Variants in OR5T2 observed in about 807,000 individuals in gnomAD.
OR5T2 encodes olfactory receptor family 5 subfamily T member 2, also known as olfactory receptor 5T2.
OR5T2 carries 12 observed loss-of-function variants against 13.7 expected under a neutral mutation model. The observed-to-expected ratio is 0.88, with a 90% CI of 0.56 to 1.42. The LOEUF (loss-of-function observed/expected upper bound fraction) is 1.42. Among genes scored for constraint, OR5T2 ranks in the 40% most tolerant of loss-of-function variants. The pLI, the probability that OR5T2 is intolerant of heterozygous loss-of-function variation, is 0.00. For missense variants in OR5T2, 475 were observed against 372.0 expected (o/e 1.28, Z -2.28); for synonymous variants, 146 against 139.5 (o/e 1.05, Z -0.33).
rs1043053988 is a variant in OR5T2, at chr11:56,232,859, A to G, written c.204T>C (p.Asp68=). 6.2e-6 allele frequency: 10 copies of G among 1,612,640 alleles called. No homozygotes were observed. The highest frequency in any genetic ancestry group is 1.7e-5 in the Admixed American group (1 of 59,912). Residue 68 remains aspartate, a synonymous_variant, in exon 2 of 2, where the codon GAT becomes GAC. Coordinates refer to ENST00000641661, the MANE Select transcript of OR5T2 (RefSeq NM_001004746.4). ...YYFLSMLSSV[D]ACYSSVITPN... is the part of the protein sequence containing the mutation. Reference sequence around the variant, plus strand: ...GGGTAATAACTGAGGAATAGCAGGCATCCACAGAAGACAACATACTCAGAA... The same window carrying G: ...GGGTAATAACTGAGGAATAGCAGGCGTCCACAGAAGACAACATACTCAGAA...
intron 1 of OR5T2, among the ~76,000 whole-genome samples, 192 bp downstream of exon 1, chr11:56,233,985 C>T (rs1853333910): frequency 2.0e-5 from 3 of 151,810 alleles, no homozygotes; most frequent in Admixed American, 1.3e-4. Flanking sequence ...GAGAAAATCA[C>T]TATGATTCTT....
At position 56,231,374 on chromosome 11, in the gene OR5T2, C is replaced by A. The variant is rs1360369631; in HGVS notation, c.*732G>T. The A allele has an allele frequency of 6.6e-6, 1 of 152,188 alleles. No individual in the cohort carries two copies. Among genetic ancestry groups the A allele is most frequent in the African/African-American group, 2.4e-5 (1 of 41,456 alleles). The allele number at this position is 152,188 out of a possible 1,614,324, so 9.4% of individuals were successfully genotyped here. Reference sequence around the variant, plus strand: ...TCTGTGATCAAATGGGTAGGGATTTCTTCCTCCCACACCACGTGGTAATCA... The same window carrying A: ...TCTGTGATCAAATGGGTAGGGATTTATTCCTCCCACACCACGTGGTAATCA... On this transcript the variant is annotated 3_prime_UTR_variant, in exon 2 of 2. Coordinates refer to ENST00000641661, the MANE Select transcript of OR5T2 (RefSeq NM_001004746.4).
rs1220534549 is a variant in OR5T2, at chr11:56,232,761, A to G, written c.302T>C (p.Leu101Pro). ...TTCTGTGGTTCCAAAACTACAAGCA[A>G]GAAACACCTGTGCTACACATCCAAG... ...SFLGCVAQVF[L>P]ACSFGTTECF... Residue 101 changes from leucine (L) to proline (P), a missense_variant, in exon 2 of 2, where the codon CTT becomes CCT. By Grantham distance (98) the Leu-to-Pro change is moderately conservative (BLOSUM62 -3). Transcript: ENST00000641661. The G allele has an allele frequency of 1.2e-6, 2 of 1,614,172 alleles. No homozygotes were observed. The highest frequency in any genetic ancestry group is 2.2e-5 in the East Asian group (1 of 44,868).
Position 56,232,231 on chromosome 11 carries a change from T to C in OR5T2, c.832A>G (p.Ile278Val), listed in dbSNP as rs1396866578. 1.2e-6 allele frequency: 2 copies of C among 1,613,630 alleles called. No homozygotes were observed. Among genetic ancestry groups the C allele is most frequent in the Admixed American group, 3.3e-5 (2 of 59,964 alleles). Reference protein sequence around the residue: ...HDMIVSIFYTIVIPLLNPVIY... With the variant: ...HDMIVSIFYTVVIPLLNPVIY... Reference sequence around the variant, plus strand: ...ACGGGATTCAGCAAGGGAATCACAATGGTGTAAAATATTGACACTATCATG... The same window carrying C: ...ACGGGATTCAGCAAGGGAATCACAACGGTGTAAAATATTGACACTATCATG... Residue 278 changes from isoleucine to valine, a missense_variant, in exon 2 of 2, where the codon ATT (isoleucine) becomes GTT (valine). Coordinates refer to ENST00000641661, the MANE Select transcript of OR5T2 (RefSeq NM_001004746.4).
Position 56,232,339 on chromosome 11 carries a change from G to T in OR5T2, c.724C>A (p.His242Asn). 5 of 1,607,452 alleles carry T rather than the reference G, an allele frequency of 3.1e-6. No homozygotes were observed. Among genetic ancestry groups the T allele is most frequent in the Non-Finnish European group, 4.2e-6 (5 of 1,176,808 alleles). Reference sequence around the variant, plus strand: ...TAATAAATTGACACTCCAGTTAGGTGAGCTCCACATGTGGAGAAGACTTTT... The same window carrying T: ...TAATAAATTGACACTCCAGTTAGGTTAGCTCCACATGTGGAGAAGACTTTT... ...RRKVFSTCGA[H>N]LTGVSIYYGT... Residue 242 changes from histidine to asparagine, a missense_variant, in exon 2 of 2, where the codon CAC becomes AAC. His to Asn is a moderately conservative substitution (Grantham distance 68). Coordinates refer to ENST00000641661, the MANE Select transcript of OR5T2 (RefSeq NM_001004746.4).
intron 1 of OR5T2, among the ~76,000 whole-genome samples, chr11:56,233,526 A>G (rs1853326375): frequency 6.6e-6 from 1 of 152,160 alleles, no homozygotes. Flanking sequence ...ATGATTTGCT[A>G]TATCTACTTG....
rs1043395142 is a variant in OR5T2, at chr11:56,231,994, G to T, written c.*112C>A. 8 of 854,966 alleles carry T rather than the reference G, an allele frequency of 9.4e-6. No homozygotes were observed. Among genetic ancestry groups the T allele is most frequent in the African/African-American group, 8.7e-5 (5 of 57,390 alleles). The allele number at this position is 854,966 out of a possible 1,614,324, so 53.0% of individuals were successfully genotyped here. On this transcript the variant is annotated 3_prime_UTR_variant, in exon 2 of 2. Transcript: ENST00000641661. Reference sequence around the variant, plus strand: ...ATTATAACAAAAGACTGTAACAAAGGCTATGGGAATTATGAGCCAGGAACC... The same window carrying T: ...ATTATAACAAAAGACTGTAACAAAGTCTATGGGAATTATGAGCCAGGAACC...
rs1402558581 is a variant in OR5T2, at chr11:56,231,614, G to T, written c.*492C>A. On this transcript the variant is annotated 3_prime_UTR_variant, in exon 2 of 2. Transcript: ENST00000641661. ...TACTGAAGCAGCTCACAAAACTCAG[G>T]GAAACATATTACTGGCTTATTGAAA... 6.6e-6 allele frequency: 1 copy of T among 152,278 alleles called. No homozygotes were observed. The highest frequency in any genetic ancestry group is 1.5e-5 in the Non-Finnish European group (1 of 68,198). The allele number at this position is 152,278 out of a possible 1,614,324, so 9.4% of individuals were successfully genotyped here.
At position 56,232,592 on chromosome 11, in the gene OR5T2, A is replaced by G; in HGVS notation, c.471T>C (p.His157=). The G allele has an allele frequency of 6.2e-7, 1 of 1,614,122 alleles. No individual in the cohort carries two copies. Among genetic ancestry groups the G allele is most frequent in the Non-Finnish European group, 8.5e-7 (1 of 1,179,994 alleles). Residue 157 remains histidine, a synonymous_variant, in exon 2 of 2, where the codon CAT becomes CAC. Coordinates refer to ENST00000641661, the MANE Select transcript of OR5T2 (RefSeq NM_001004746.4). ...YVAGILHATI[H]TVATFSLSFC... ...AGGATAGGCTAAATGTAGCCACTGT[A>G]TGTATAGTAGCATGTAAAATGCCAG...
Position 56,232,554 on chromosome 11 carries a change from T to C in OR5T2, c.509A>G (p.Asn170Ser), listed in dbSNP as rs890948733. Reference protein sequence around the residue: ...ATFSLSFCGANEIRRVFCDIP... With the variant: ...ATFSLSFCGASEIRRVFCDIP... ...ATCACAAAAGACACGCCTAATTTCA[T>C]TGGCTCCACAGAAGGATAGGCTAAA... The change falls in exon 2 of 2, where the codon AAT becomes AGT. Residue 170 changes from asparagine to serine, a missense_variant. Coordinates refer to ENST00000641661, the MANE Select transcript of OR5T2 (RefSeq NM_001004746.4). The C allele has an allele frequency of 2.5e-6, 4 of 1,613,832 alleles. No individual in the cohort carries two copies. Among genetic ancestry groups the C allele is most frequent in the East Asian group, 4.5e-5 (2 of 44,870 alleles).
rs2134764864 is a variant in OR5T2 at position 56,233,063 on chromosome 11, G to T, written c.-1C>A. ...AGGTAACTTCAGTGACATTCTTCAT[G>T]TTGAAATCTAGAACAAACTTGAAGA... On this transcript the variant is annotated 5_prime_UTR_variant, in exon 2 of 2. Coordinates refer to ENST00000641661, the MANE Select transcript of OR5T2 (RefSeq NM_001004746.4). 1 of 1,606,684 alleles carries T rather than the reference G, an allele frequency of 6.2e-7. No homozygotes were observed.
At position 56,231,791 on chromosome 11, in the gene OR5T2, G is replaced by A; in HGVS notation, c.*315C>T. 1 of 204,758 alleles carries A rather than the reference G, an allele frequency of 4.9e-6. No individual in the cohort carries two copies. The highest frequency in any genetic ancestry group is 1.7e-4 in the South Asian group (1 of 5,942). 12.7% of individuals were successfully genotyped at this position (204,758 alleles called of 1,614,324 possible). A position where few individuals can be genotyped will look rare whatever the true frequency, so the allele number is the denominator to read the frequency against. ...AGCTCACTGAACCCTATCCTCCTAG[G>A]TTCTATGGAAGCTTCAAGGCATCAG... On this transcript the variant is annotated 3_prime_UTR_variant, in exon 2 of 2. Transcript: ENST00000641661.
rs1332395997 is a variant in OR5T2 at position 56,231,993 on chromosome 11, G to A, written c.*113C>T. 2.6e-5 allele frequency: 22 copies of A among 852,984 alleles called. No homozygotes were observed. The highest frequency in any genetic ancestry group is 8.5e-5 in the East Asian group (3 of 35,488). 52.8% of individuals were successfully genotyped at this position (852,984 alleles called of 1,614,324 possible). ...CATTATAACAAAAGACTGTAACAAAGGCTATGGGAATTATGAGCCAGGAAC... is the reference window on the plus strand; with the variant it reads ...CATTATAACAAAAGACTGTAACAAAAGCTATGGGAATTATGAGCCAGGAAC... On this transcript the variant is annotated 3_prime_UTR_variant, in exon 2 of 2. Transcript: ENST00000641661.
intron 1 of OR5T2, among the ~76,000 whole-genome samples, 192 bp from the exon 2 acceptor site, chr11:56,233,456 CA>C (rs1272770450): frequency 1.7e-4 from 26 of 152,192 alleles, no homozygotes; most frequent in African/African-American, 6.0e-4. Context: ...GAGACTGTAT[CA>C]GGGGACAGAG....
In OR5T2 at chr11:56,232,950, A is replaced by G; in HGVS notation, c.113T>C (p.Met38Thr). 1 of 1,611,310 alleles carries G rather than the reference A, an allele frequency of 6.2e-7. No homozygotes were observed. The highest frequency in any genetic ancestry group is 8.5e-7 in the Non-Finnish European group (1 of 1,178,778). ...LFLAIYLFTL[M>T]GNLGLILVVI... The stretch of plus-strand genomic sequence containing the variant: ...CACTAAAATCAGTCCTAAATTTCCC[A>G]TGAGAGTGAAGAGGTAGATTGCTAG... The change falls in exon 2 of 2, where the codon ATG (methionine) becomes ACG (threonine). Residue 38 changes from methionine (M) to threonine (T), a missense_variant. By Grantham distance (81) the Met-to-Thr change is moderately conservative. Coordinates refer to ENST00000641661, the MANE Select transcript of OR5T2 (RefSeq NM_001004746.4).
chr11:56,232,739 T>A lies in OR5T2; in HGVS notation c.324A>T (p.Thr108=), dbSNP rs369632317. The change falls in exon 2 of 2, where the codon ACA becomes ACT. Residue 108 remains threonine (T), a synonymous_variant. Transcript: ENST00000641661. The stretch of plus-strand genomic sequence containing the variant: ...CCATTGCAGCCAAGAGAAAGCATTC[T>A]GTGGTTCCAAAACTACAAGCAAGAA... ...QVFLACSFGT[T]ECFLLAAMAY... is the part of the protein sequence containing the mutation. The A allele has an allele frequency of 2.5e-6, 4 of 1,614,072 alleles. No individual in the cohort carries two copies. In the East Asian group the frequency reaches 8.9e-5, roughly 36 times the overall value.
At position 56,233,279 on chromosome 11, in the gene OR5T2, G is replaced by T; in HGVS notation, c.-202-15C>A. On this transcript the variant is annotated splice_polypyrimidine_tract_variant and intron_variant, in intron 1 of 1. Coordinates refer to ENST00000641661, the MANE Select transcript of OR5T2 (RefSeq NM_001004746.4). ...CATGCCACTCACTGCAGAATCAAAT[G>T]GAAGAAATGGACGTTCATTAGTTGG... 1 of 971,712 alleles carries T rather than the reference G, an allele frequency of 1.0e-6. No homozygotes were observed. Among genetic ancestry groups the T allele is most frequent in the Non-Finnish European group, 1.4e-6 (1 of 700,676 alleles). 60.2% of individuals were successfully genotyped at this position (971,712 alleles called of 1,614,324 possible).
chr11:56,232,328 T>G lies in OR5T2; in HGVS notation c.735A>C (p.Gly245=). 5.0e-6 allele frequency: 8 copies of G among 1,607,696 alleles called. No homozygotes were observed. The highest frequency in any genetic ancestry group is 5.9e-6 in the Non-Finnish European group (7 of 1,177,014). Residue 245 remains glycine (G), a synonymous_variant, in exon 2 of 2, where the codon GGA becomes GGC. Coordinates refer to ENST00000641661, the MANE Select transcript of OR5T2 (RefSeq NM_001004746.4). ...VFSTCGAHLT[G]VSIYYGTILF... ...GGATTGTCCCATAATAAATTGACAC[T>G]CCAGTTAGGTGAGCTCCACATGTGG... is the stretch of plus-strand genomic sequence containing the variant.
Position 56,233,167 on chromosome 11 carries a change from T to A in OR5T2, c.-105A>T. On this transcript the variant is annotated 5_prime_UTR_variant, in exon 2 of 2. An upstream open reading frame in the 5' UTR gains an earlier in-frame stop. Coordinates refer to ENST00000641661, the MANE Select transcript of OR5T2 (RefSeq NM_001004746.4). ...CTCAAGGGGATGTTAACTGTGCTCT[T>A]GTATATACTGTACGACATATATTCA... 1 of 1,548,080 alleles carries A rather than the reference T, an allele frequency of 6.5e-7. No homozygotes were observed. Among genetic ancestry groups the A allele is most frequent in the Non-Finnish European group, 8.7e-7 (1 of 1,145,390 alleles).
Sources: gnomAD v4.1 joint callset for allele counts (sites outside exome capture counted in the v4.1 genomes callset) on GRCh38, gnomAD v4.1.1 for gene constraint, MANE v1.5 for transcripts, NCBI Gene and HGNC (gene_info 2026-07-23, HGNC 2026-07-21) for gene names.